CA10: variants seen among roughly 807,000 people sequenced by gnomAD.
The protein encoded by CA10 is carbonic anhydrase 10 (inactive), also known as carbonic anhydrase-related protein 10.
A neutral mutation model predicts 44.2 loss-of-function variants in CA10; 14 were observed. The observed-to-expected ratio is 0.32, with a 90% CI of 0.21 to 0.50. The LOEUF is 0.50. Among genes scored for constraint, CA10 ranks in the 20% least tolerant of loss-of-function variants. The probability of loss-of-function intolerance (pLI) is 0.99; values close to 1 mark genes in which losing one functional copy is unlikely to be tolerated. For synonymous variants in CA10, 159 were observed against 141.6 expected, an observed-to-expected ratio of 1.12 and a Z score of -0.87; for missense variants, 350 against 409.7, an observed-to-expected ratio of 0.85 and a Z score of 1.26.
intron 4 of CA10, among the ~76,000 whole-genome samples, chr17:51,676,368 C>T (rs1914627099): frequency 6.6e-6 from 1 of 152,180 alleles, no homozygotes; most frequent in Non-Finnish European, 1.5e-5. Context: ...GTCCCTCTTG[C>T]TCACTTGCTC....
At chr17:51,754,398 GTGATATATAT>G (rs1455103462) in intron 3 of CA10, among the ~76,000 whole-genome samples, 2 of 96,484 alleles carry the variant, frequency 2.1e-5, no homozygotes, top group African/African-American at 8.0e-5. Context: ...CTGTGTGTGT[GTGATATATAT>G]ATATATATAT....
At chr17:51,887,854 AG>A (rs1980681451) in intron 3 of CA10, among the ~76,000 whole-genome samples, 1 of 147,384 alleles carries the variant, frequency 6.8e-6, no homozygotes, top group Non-Finnish European at 1.5e-5. Flanking sequence ...AAAAAAAAAA[AG>A]AAAAAAAAAA....
At chr17:51,664,282 C>A (rs999365559) in intron 4 of CA10, among the ~76,000 whole-genome samples, 7 of 152,098 alleles carry the variant, frequency 4.6e-5, no homozygotes, top group Non-Finnish European at 1.0e-4. Context: ...AGGCCAATAT[C>A]TTTTACGATC....
chr17:52,052,965 T>G (rs1417056429), intron 2 of CA10, among the ~76,000 whole-genome samples: 1 of 151,634 alleles, frequency 6.6e-6, no homozygotes, highest in Non-Finnish European at 1.5e-5. Flanking sequence ...GTGAGTGATG[T>G]GTGTGTGTGT....
chr17:51,642,404 T>A (rs1174488776), intron 6 of CA10, among the ~76,000 whole-genome samples: 4 of 152,222 alleles, frequency 2.6e-5, no homozygotes, highest in Admixed American at 6.5e-5. Flanking sequence ...CTGAGAAGTA[T>A]AAGGCAGTTC....
chr17:52,038,834 C>G (rs555475038), intron 2 of CA10, among the ~76,000 whole-genome samples: 1 of 152,250 alleles, frequency 6.6e-6, no homozygotes, highest in African/African-American at 2.4e-5. Context: ...TTGCCTTAAT[C>G]ATCAAAACAT....
chr17:51,788,945 C>A (rs1480347030), intron 3 of CA10, among the ~76,000 whole-genome samples: 4 of 152,202 alleles, frequency 2.6e-5, no homozygotes, highest in Admixed American at 2.0e-4. Flanking sequence ...TTTCTTTCTT[C>A]CTTTCCTCTA....
intron 2 of CA10, among the ~76,000 whole-genome samples, chr17:51,980,075 T>C (rs1288213035): frequency 6.6e-6 from 1 of 152,174 alleles, no homozygotes; most frequent in Middle Eastern, 3.2e-3. Context: ...TGAATTCTAG[T>C]TCTGCTTTTA....
chr17:52,134,375 G>C (rs933442349), intron 1 of CA10, among the ~76,000 whole-genome samples: 1 of 152,116 alleles, frequency 6.6e-6, no homozygotes, highest in East Asian at 1.9e-4. Flanking sequence ...GTACTTTCTA[G>C]TGCCAAACTT....
intron 4 of CA10, among the ~76,000 whole-genome samples, chr17:51,734,225 A>G (rs1382428332): frequency 2.0e-5 from 3 of 151,556 alleles, no homozygotes; most frequent in East Asian, 2.0e-4. Flanking sequence ...TTACACATCA[A>G]TGTTTCTGAC....
At chr17:52,107,853 G>C (rs1041431819) in intron 1 of CA10, among the ~76,000 whole-genome samples, 1 of 152,028 alleles carries the variant, frequency 6.6e-6, no homozygotes, top group Non-Finnish European at 1.5e-5. Context: ...CTCCATCCTT[G>C]CAACAAACAT....
At chr17:51,803,748 G>A (rs893468569) in intron 3 of CA10, among the ~76,000 whole-genome samples, 3 of 152,140 alleles carry the variant, frequency 2.0e-5, no homozygotes, top group East Asian at 3.9e-4. Flanking sequence ...AATTACCAGC[G>A]AACTAATTAA....
At chr17:51,973,833 A>C (rs1984365591) in intron 2 of CA10, among the ~76,000 whole-genome samples, 1 of 152,198 alleles carries the variant, frequency 6.6e-6, no homozygotes, top group Admixed American at 6.5e-5. Flanking sequence ...TCAGAAAATA[A>C]AATAACTACT....
intron 2 of CA10, among the ~76,000 whole-genome samples, chr17:51,989,153 C>CTTTTTTTTTTTTTTTTTTTTTTT (rs558333341): frequency 7.4e-6 from 1 of 135,128 alleles, no homozygotes; most frequent in African/African-American, 2.7e-5. Flanking sequence ...ATCTCTGTTT[C>CTTTTTTTTTTTTTTTTTTTTTTT]TTTTTTTTTT....
At chr17:51,749,580 T>C (rs1257470025) in intron 3 of CA10, among the ~76,000 whole-genome samples, 1 of 152,240 alleles carries the variant, frequency 6.6e-6, no homozygotes, top group Non-Finnish European at 1.5e-5. Context: ...TAAATGATTA[T>C]TTAAGTCTCT....
intron 3 of CA10, among the ~76,000 whole-genome samples, chr17:51,812,291 C>A (rs1399139941): frequency 6.6e-6 from 1 of 152,160 alleles, no homozygotes; most frequent in Non-Finnish European, 1.5e-5. Flanking sequence ...TAATTCTTTT[C>A]ATAATTTTAC....
intron 3 of CA10, among the ~76,000 whole-genome samples, chr17:51,815,538 T>C (rs914130169): frequency 6.6e-6 from 1 of 152,110 alleles, no homozygotes; most frequent in Non-Finnish European, 1.5e-5. Context: ...TGTCACTTAG[T>C]GCCTGGCAGT....
chr17:52,126,871 C>T (rs895016777), intron 1 of CA10, among the ~76,000 whole-genome samples: 1 of 152,070 alleles, frequency 6.6e-6, no homozygotes, highest in Non-Finnish European at 1.5e-5. Flanking sequence ...CTAAGCAATG[C>T]CTTTTCTATA....
intron 3 of CA10, among the ~76,000 whole-genome samples, chr17:51,758,651 T>C (rs1905138129): frequency 6.6e-6 from 1 of 152,190 alleles, no homozygotes; most frequent in Non-Finnish European, 1.5e-5. Flanking sequence ...GGTATGTAGG[T>C]TTCCGGGGGG....
Sources: gnomAD v4.1 joint callset for allele counts (sites outside exome capture counted in the v4.1 genomes callset) on GRCh38, gnomAD v4.1.1 for gene constraint, MANE v1.5 for transcripts, NCBI Gene and HGNC (gene_info 2026-07-23, HGNC 2026-07-21) for gene names.